The following KANK4 variants were observed in gnomAD, a reference collection of about 807,000 sequenced individuals.
The protein encoded by KANK4 is KN motif and ankyrin repeat domain-containing protein 4.
KANK4 carries 50 observed loss-of-function variants against 80.8 expected under a neutral mutation model. That is an observed-to-expected ratio of 0.62 (90% CI 0.49 to 0.78). The LOEUF is 0.78. KANK4 is among the 30% of genes least tolerant of loss of function. The probability of loss-of-function intolerance (pLI) is 0.00; values close to 1 mark genes in which losing one functional copy is unlikely to be tolerated. For synonymous variants in KANK4, 465 were observed against 506.9 expected, an observed-to-expected ratio of 0.92 and a Z score of 1.11; for missense variants, 1,196 against 1,240.1, an observed-to-expected ratio of 0.96 and a Z score of 0.53.
chr1:62,310,593 C>A (rs542501324), intron 1 of KANK4, among the ~76,000 whole-genome samples: 1 of 152,258 alleles, frequency 6.6e-6, no homozygotes, highest in South Asian at 2.1e-4. Flanking sequence ...GCACTGGGCA[C>A]TGGGAAGGGG....
chr1:62,267,302 A>G (rs1027080991), intron 5 of KANK4, among the ~76,000 whole-genome samples: 9 of 71,622 alleles, frequency 1.3e-4, no homozygotes, highest in Admixed American at 1.2e-3. Context: ...GTAATATGAG[A>G]CTCGTTGAAG....
intron 2 of KANK4, 147 bp from the exon 3 acceptor site, chr1:62,275,234 G>A (rs1242354841): frequency 3.2e-6 from 2 of 630,040 alleles, no homozygotes; most frequent in Non-Finnish European, 5.4e-6. Context: ...ATGCTGAGAT[G>A]CTCAGTCTTT....
chr1:62,284,734 A>T (rs1672525837), intron 1 of KANK4, among the ~76,000 whole-genome samples: 1 of 152,188 alleles, frequency 6.6e-6, no homozygotes, highest in Non-Finnish European at 1.5e-5. Flanking sequence ...AGGATCAAGG[A>T]TCCAGAGTTA....
Position 62,273,905 on chromosome 1 carries a change from TG to T in KANK4, c.1198del (p.Gln400LysfsTer13). ...GCCCTGAGTGTCTTTGGCGTTCTCT[TG>T]GTGAAACTGTCCTTCCAGTTGGGCT... is the stretch of plus-strand genomic sequence containing the variant. ...TVAQLEGQFH[Q>X]ENAKDTQGQT... On this transcript the variant is annotated frameshift_variant, in exon 3 of 10. Coordinates refer to ENST00000371153, the MANE Select transcript of KANK4 (RefSeq NM_181712.5). LOFTEE classifies it high-confidence loss of function. 6.2e-7 allele frequency: 1 copy of T among 1,614,078 alleles called. No individual in the cohort carries two copies. Among genetic ancestry groups the T allele is most frequent in the Non-Finnish European group, 8.5e-7 (1 of 1,180,046 alleles).
intron 4 of KANK4, among the ~76,000 whole-genome samples, chr1:62,270,638 C>T (rs1672138344): frequency 6.6e-6 from 1 of 152,082 alleles, no homozygotes. Context: ...TCCACCTGAG[C>T]CTCCCAAAGC....
chr1:62,295,899 A>G (rs1467050904), intron 1 of KANK4, among the ~76,000 whole-genome samples: 2 of 152,182 alleles, frequency 1.3e-5, no homozygotes, highest in Non-Finnish European at 2.9e-5. Context: ...GGCTGCAGGG[A>G]AAGTATAACG....
chr1:62,302,685 AG>A (rs1324363803), intron 1 of KANK4, among the ~76,000 whole-genome samples: 3 of 152,108 alleles, frequency 2.0e-5, no homozygotes, highest in Non-Finnish European at 4.4e-5. Flanking sequence ...AACCAGGAAG[AG>A]GGTTGTCCCC....
intron 9 of KANK4, among the ~76,000 whole-genome samples, chr1:62,242,245 C>A (rs1671359661): frequency 6.6e-6 from 1 of 151,588 alleles, no homozygotes. Flanking sequence ...GCTTGTAATC[C>A]CAACACTTTG....
intron 1 of KANK4, among the ~76,000 whole-genome samples, chr1:62,304,880 C>T (rs534527383): frequency 6.6e-6 from 1 of 152,190 alleles, no homozygotes; most frequent in South Asian, 2.1e-4. Context: ...CTTCTCTGGG[C>T]CTCAGCTGCT....
At position 62,238,212 on chromosome 1, in the gene KANK4, C is replaced by T. The variant is rs1671250196; in HGVS notation, c.*65G>A. 1.6e-6 allele frequency: 2 copies of T among 1,230,372 alleles called. No homozygotes were observed. The highest frequency in any genetic ancestry group is 2.4e-6 in the Non-Finnish European group (2 of 843,632). The allele number at this position is 1,230,372 out of a possible 1,614,324, so 76.2% of individuals were successfully genotyped here. On this transcript the variant is annotated 3_prime_UTR_variant, in exon 10 of 10. Coordinates refer to ENST00000371153, the MANE Select transcript of KANK4 (RefSeq NM_181712.5). ...TCTGGCCTGTGACCTCTGCCCTCTT[C>T]AAGGGCGAGGGAGGAGTCCAGAGAA...
At chr1:62,261,956 T>A (rs948857278) in intron 7 of KANK4, among the ~76,000 whole-genome samples, 6 of 152,174 alleles carry the variant, frequency 3.9e-5, no homozygotes, top group Admixed American at 2.6e-4. Flanking sequence ...TGAGCCACCA[T>A]CCAGCTCCAT....
At chr1:62,247,420 A>T in intron 9 of KANK4, 52 bp downstream of exon 9, 1 of 1,550,904 alleles carries the variant, frequency 6.4e-7, no homozygotes. Flanking sequence ...GGTTACAGGT[A>T]TGAGCCACCC....
At chr1:62,268,781 A>G (rs896064597) in intron 4 of KANK4, among the ~76,000 whole-genome samples, 20 of 152,166 alleles carry the variant, frequency 1.3e-4, no homozygotes, top group African/African-American at 4.8e-4. Flanking sequence ...ATTGCAGCAA[A>G]CCCACGAGCA....
At chr1:62,299,274 T>G (rs953089154) in intron 1 of KANK4, among the ~76,000 whole-genome samples, 1 of 152,142 alleles carries the variant, frequency 6.6e-6, no homozygotes, top group Non-Finnish European at 1.5e-5. Flanking sequence ...TTCCCCAGGC[T>G]GGTCTCAAAG....
chr1:62,239,574 T>C (rs1346838133), intron 9 of KANK4, among the ~76,000 whole-genome samples: 1 of 152,140 alleles, frequency 6.6e-6, no homozygotes, highest in African/African-American at 2.4e-5. Context: ...TGCAGGTTTG[T>C]TACACATGTA....
chr1:62,274,225 G>C lies in KANK4; in HGVS notation c.879C>G (p.Ile293Met). Residue 293 changes from isoleucine (I) to methionine (M), a missense_variant, in exon 3 of 10, where the codon ATC (isoleucine) becomes ATG (methionine). Around this residue, in one of 3 missense-constraint regions of KANK4, gnomAD observed 1,154 missense variants for 1,179.6 expected, o/e 0.98. Coordinates refer to ENST00000371153, the MANE Select transcript of KANK4 (RefSeq NM_181712.5). ...TPSPPPLPSP[I>M]PENELLLEEI... The stretch of plus-strand genomic sequence containing the variant: ...CTTCCAGGAGGAGCTCATTCTCAGG[G>C]ATGGGTGATGGCAGAGGTGGCGGGC... The C allele has an allele frequency of 6.2e-7, 1 of 1,614,084 alleles. No homozygotes were observed. Among genetic ancestry groups the C allele is most frequent in the Non-Finnish European group, 8.5e-7 (1 of 1,179,970 alleles).
intron 7 of KANK4, among the ~76,000 whole-genome samples, chr1:62,261,150 G>A (rs758879213): frequency 7.7e-6 from 1 of 129,074 alleles, no homozygotes; most frequent in Non-Finnish European, 1.6e-5. Context: ...CCCTCCCAAT[G>A]GCTTTTTTTT....
At chr1:62,238,724 G>A (rs1671269360) in intron 9 of KANK4, among the ~76,000 whole-genome samples, 1 of 151,254 alleles carries the variant, frequency 6.6e-6, no homozygotes, top group African/African-American at 2.4e-5. Context: ...CCGTCTCCTG[G>A]GCTCAGGTGA....
rs1180320571 is a variant in KANK4 at position 62,292,742 on chromosome 1, C to CAAGGTGTAG, written c.-70-11109_-70-11108insCTACACCTT. Among the ~76,000 whole-genome samples, 8 of 152,292 alleles carry CAAGGTGTAG rather than the reference C, an allele frequency of 5.3e-5. No individual in the cohort carries two copies. The East Asian group carries it at 1.5e-3, about 29-fold the overall frequency. ...CATGTTTTGGATCACCTGTTCTACA[C>CAAGGTGTAG]AAGGAAGTCAGCTGATCACTGATTT... On this transcript the variant is annotated intron_variant, in intron 1 of 9. Coordinates refer to ENST00000371153, the MANE Select transcript of KANK4 (RefSeq NM_181712.5).
Sources: allele counts gnomAD v4.1 joint callset (sites outside exome capture counted in the v4.1 genomes callset), GRCh38; gene constraint gnomAD v4.1.1; regional missense constraint gnomAD v4.1.1; transcripts MANE v1.5; gene names NCBI Gene and HGNC (gene_info 2026-07-23, HGNC 2026-07-21).